Variants in PRKCE observed in about 807,000 individuals in gnomAD.
The protein encoded by PRKCE is protein kinase C epsilon type.
In PRKCE, 16 loss-of-function variants were observed where a neutral mutation model predicts 85.4. The ratio of observed to expected loss-of-function variants is 0.19; its 90% confidence interval spans 0.13 to 0.28. PRKCE has a LOEUF of 0.28. Among genes scored for constraint, PRKCE ranks in the 10% least tolerant of loss-of-function variants. The pLI is 1.00. For synonymous variants in PRKCE, 388 were observed against 371.5 expected, an observed-to-expected ratio of 1.04 and a Z score of -0.51; for missense variants, 573 against 975.2, an observed-to-expected ratio of 0.59 and a Z score of 5.49.
At chr2:45,961,915 G>A (rs769275946) in intron 2 of PRKCE, among the ~76,000 whole-genome samples, 4 of 152,072 alleles carry the variant, frequency 2.6e-5, no homozygotes, top group African/African-American at 4.8e-5. Context: ...GGCTGGTCTC[G>A]AAATCCCGAC....
At chr2:45,713,906 G>A (rs1054638945) in intron 1 of PRKCE, among the ~76,000 whole-genome samples, 6 of 152,176 alleles carry the variant, frequency 3.9e-5, no homozygotes, top group African/African-American at 1.4e-4. Flanking sequence ...TAAAGCATTG[G>A]TTTGCAAACT....
chr2:45,930,470 C>T (rs930448644), intron 2 of PRKCE, among the ~76,000 whole-genome samples: 1 of 152,184 alleles, frequency 6.6e-6, no homozygotes, highest in Non-Finnish European at 1.5e-5. Context: ...AGAATCTGGC[C>T]CTCTCCAGTC....
intron 1 of PRKCE, among the ~76,000 whole-genome samples, chr2:45,825,637 G>A (rs552433500): frequency 3.5e-4 from 53 of 152,242 alleles, no homozygotes; most frequent in African/African-American, 1.0e-3. Flanking sequence ...TAATCCCAGC[G>A]CTTTGGGAGG....
chr2:45,923,719 G>C (rs189399788), intron 2 of PRKCE, among the ~76,000 whole-genome samples: 14 of 152,324 alleles, frequency 9.2e-5, no homozygotes, highest in African/African-American at 2.9e-4. Flanking sequence ...GGCAGAGCAG[G>C]GAACCATCCC....
chr2:45,987,760 A>G (rs935208495), intron 6 of PRKCE, among the ~76,000 whole-genome samples: 8 of 152,230 alleles, frequency 5.3e-5, no homozygotes, highest in Non-Finnish European at 4.4e-5. Context: ...CTACCATGAT[A>G]GTATCATACA....
At chr2:45,668,884 C>T (rs948334834) in intron 1 of PRKCE, among the ~76,000 whole-genome samples, 2 of 152,146 alleles carry the variant, frequency 1.3e-5, no homozygotes, top group African/African-American at 4.8e-5. Context: ...CTTTCGTATA[C>T]AGTTTACAAA....
At chr2:46,110,576 T>C (rs1672155889) in intron 11 of PRKCE, among the ~76,000 whole-genome samples, 1 of 152,038 alleles carries the variant, frequency 6.6e-6, no homozygotes, top group African/African-American at 2.4e-5. Flanking sequence ...TAGCGTCTTC[T>C]CTCTTTTTCT....
At chr2:45,909,865 C>T (rs148122513) in intron 2 of PRKCE, among the ~76,000 whole-genome samples, 5 of 152,334 alleles carry the variant, frequency 3.3e-5, no homozygotes, top group African/African-American at 1.2e-4. Context: ...ACGTGGCCAA[C>T]AACTTAATTT....
Position 45,984,705 on chromosome 2 carries a change from C to T in PRKCE, c.823+25C>T, listed in dbSNP as rs757364637. On this transcript the variant is annotated intron_variant, in intron 6 of 14. Coordinates refer to ENST00000306156, the MANE Select transcript of PRKCE (RefSeq NM_005400.3). ...GGTAAGTTGCTCCCTGCCCTGCCCT[C>T]AGCCCCTGCATGTCCCCTTCCTTGC... 22 of 1,586,068 alleles carry T rather than the reference C, an allele frequency of 1.4e-5. No homozygotes were observed. The Admixed American group carries it at 3.4e-4, about 24-fold the overall frequency.
chr2:45,862,788 G>C (rs1486561018), intron 2 of PRKCE, among the ~76,000 whole-genome samples: 1 of 152,226 alleles, frequency 6.6e-6, no homozygotes, highest in African/African-American at 2.4e-5. Context: ...TGTGTGGTGT[G>C]TGTACATACA....
intron 1 of PRKCE, among the ~76,000 whole-genome samples, chr2:45,768,230 A>T (rs1411159255): frequency 2.6e-5 from 4 of 152,022 alleles, no homozygotes; most frequent in Non-Finnish European, 5.9e-5. Flanking sequence ...TCAAAACACG[A>T]AAGAGCCTTG....
intron 2 of PRKCE, among the ~76,000 whole-genome samples, chr2:45,960,343 G>C (rs1233775601): frequency 6.6e-6 from 1 of 152,156 alleles, no homozygotes; most frequent in Non-Finnish European, 1.5e-5. Flanking sequence ...ATCCTTTCGA[G>C]AAATAGAGAA....
intron 10 of PRKCE, among the ~76,000 whole-genome samples, chr2:46,039,161 A>G (rs1318045565): frequency 1.3e-5 from 2 of 152,224 alleles, no homozygotes; most frequent in Non-Finnish European, 2.9e-5. Flanking sequence ...AGTAATGAAT[A>G]GACTAATTTT....
intron 1 of PRKCE, among the ~76,000 whole-genome samples, chr2:45,653,257 T>G (rs1675211016): frequency 6.6e-6 from 1 of 152,246 alleles, no homozygotes; most frequent in Non-Finnish European, 1.5e-5. Context: ...TATTAAGGAT[T>G]TGGAAAGAGG....
rs560113079 is a variant in PRKCE at position 46,038,187 on chromosome 2, A to C, written c.1437+27670A>C. Among the ~76,000 whole-genome samples, 843 of 152,292 alleles carry C rather than the reference A, an allele frequency of 5.5e-3. 9 individuals are homozygous for C. The highest frequency in any genetic ancestry group is 9.6e-3 in the Non-Finnish European group (656 of 68,026). ...ATAGTCTTGGTATAATTTTAAGGAAAAAAAATCAAGGCGCTACTTTGCATT... is the reference window on the plus strand; with the variant it reads ...ATAGTCTTGGTATAATTTTAAGGAACAAAAATCAAGGCGCTACTTTGCATT... On this transcript the variant is annotated intron_variant, in intron 10 of 14. Transcript: ENST00000306156.
intron 2 of PRKCE, among the ~76,000 whole-genome samples, chr2:45,925,810 T>G (rs1440344379): frequency 1.3e-5 from 2 of 152,232 alleles, no homozygotes; most frequent in African/African-American, 4.8e-5. Context: ...TCAATCATCG[T>G]GGGCTGGGCA....
chr2:46,094,819 A>G (rs1670525611), intron 11 of PRKCE, among the ~76,000 whole-genome samples: 2 of 152,172 alleles, frequency 1.3e-5, no homozygotes, highest in African/African-American at 4.8e-5. Flanking sequence ...AAAAAAAAAA[A>G]AAGCATTTTC....
intron 2 of PRKCE, among the ~76,000 whole-genome samples, chr2:45,875,275 A>G (rs986869522): frequency 1.3e-5 from 2 of 152,244 alleles, no homozygotes; most frequent in Admixed American, 1.3e-4. Flanking sequence ...TCAACCAGCA[A>G]TGTTAATGGT....
At position 46,141,171 on chromosome 2, in the gene PRKCE, A is replaced by G. The variant is rs114784737; in HGVS notation, c.1593-3922A>G. Among the ~76,000 whole-genome samples, 806 of 152,288 alleles carry G rather than the reference A, an allele frequency of 5.3e-3. 11 individuals carry two copies. Among genetic ancestry groups the G allele is most frequent in the African/African-American group, 0.018 (755 of 41,548 alleles). On this transcript the variant is annotated intron_variant, in intron 11 of 14. Coordinates refer to ENST00000306156, the MANE Select transcript of PRKCE (RefSeq NM_005400.3). Reference sequence around the variant, plus strand: ...GTATAGTTACCCTCACATATGTGCAAAATGTCCTATGCAGATGGTTATCCA... The same window carrying G: ...GTATAGTTACCCTCACATATGTGCAGAATGTCCTATGCAGATGGTTATCCA...
Sources: gnomAD v4.1 joint callset for allele counts (sites outside exome capture counted in the v4.1 genomes callset) on GRCh38, gnomAD v4.1.1 for gene constraint, MANE v1.5 for transcripts, NCBI Gene and HGNC (gene_info 2026-07-23, HGNC 2026-07-21) for gene names.